The following ICE2 variants were observed in gnomAD, a reference collection of about 807,000 sequenced individuals.
ICE2 encodes the protein interactor of little elongation complex ELL subunit 2.
ICE2 carries 87 observed loss-of-function variants against 105.4 expected under a neutral mutation model. That is an observed-to-expected ratio of 0.83 (90% confidence interval 0.69 to 0.99). The LOEUF (loss-of-function observed/expected upper bound fraction) is 0.99, where lower values mean the gene tolerates loss of function less well. Among genes scored for constraint, ICE2 ranks in the 50% least tolerant of loss-of-function variants. The pLI, the probability that ICE2 is intolerant of heterozygous loss-of-function variation, is 0.00. For missense variants in ICE2, 1,323 were observed against 1,146.7 expected, an observed-to-expected ratio of 1.15 and a Z score of -2.22; for synonymous variants, 399 against 392.0, an observed-to-expected ratio of 1.02 and a Z score of -0.21.
intron 5 of ICE2, among the ~76,000 whole-genome samples, chr15:60,465,999 A>C (rs2064416256): frequency 6.6e-6 from 1 of 151,808 alleles, no homozygotes; most frequent in African/African-American, 2.4e-5. Flanking sequence ...TGATCCACCC[A>C]CCTCGGACTC....
At chr15:60,469,745 C>T (rs1049862370) in intron 3 of ICE2, among the ~76,000 whole-genome samples, 4 of 152,198 alleles carry the variant, frequency 2.6e-5, no homozygotes, top group Non-Finnish European at 4.4e-5. Context: ...CATTGCAATG[C>T]TTTACTCCCA....
intron 9 of ICE2, chr15:60,452,626 C>T (rs967935578): frequency 1.3e-5 from 2 of 156,798 alleles, no homozygotes; most frequent in Non-Finnish European, 2.8e-5. Flanking sequence ...GAATCAAGTT[C>T]TCTATAAACA....
chr15:60,459,768 C>T (rs984092529), intron 5 of ICE2, among the ~76,000 whole-genome samples: 2 of 151,838 alleles, frequency 1.3e-5, no homozygotes, highest in South Asian at 2.1e-4. Flanking sequence ...TATTGAATAA[C>T]GGAAGTATTG....
intron 9 of ICE2, chr15:60,451,679 A>G (rs2063969491): frequency 2.3e-6 from 2 of 884,924 alleles, no homozygotes; most frequent in Non-Finnish European, 2.7e-6. Flanking sequence ...TCAGGCTGTC[A>G]TTTCAGAGAA....
intron 4 of ICE2, among the ~76,000 whole-genome samples, chr15:60,467,603 A>G (rs2064466678): frequency 6.6e-6 from 1 of 152,248 alleles, no homozygotes; most frequent in Non-Finnish European, 1.5e-5. Flanking sequence ...AACTTTTTGC[A>G]GAACAATTTA....
chr15:60,476,531 T>C (rs1441925397), intron 2 of ICE2, among the ~76,000 whole-genome samples: 1 of 152,230 alleles, frequency 6.6e-6, no homozygotes, highest in Non-Finnish European at 1.5e-5. Context: ...GACATAACAT[T>C]AAGATACTTG....
At chr15:60,455,492 T>C in intron 6 of ICE2, 50 bp from the exon 7 acceptor site, 4 of 1,227,536 alleles carry the variant, frequency 3.3e-6, no homozygotes, top group Non-Finnish European at 4.8e-6. Flanking sequence ...AATGTATTTT[T>C]TCTAAGAAAA....
At chr15:60,452,900 C>CA in intron 9 of ICE2, 1 of 985,394 alleles carries the variant, frequency 1.0e-6, no homozygotes, top group Non-Finnish European at 1.2e-6. Flanking sequence ...CTGTAACAAT[C>CA]AAATTAAGCT....
At chr15:60,461,002 T>C (rs1260380282) in intron 5 of ICE2, among the ~76,000 whole-genome samples, 3 of 151,834 alleles carry the variant, frequency 2.0e-5, no homozygotes, top group Non-Finnish European at 4.4e-5. Context: ...ATGCATTTAG[T>C]ATGTTTAGCA....
chr15:60,454,292 A>G (rs2064041615), intron 8 of ICE2, among the ~76,000 whole-genome samples: 1 of 152,244 alleles, frequency 6.6e-6, no homozygotes, highest in Non-Finnish European at 1.5e-5. Context: ...TGTCAAAAGA[A>G]AGACTACCCT....
chr15:60,453,527 A>T, intron 9 of ICE2, 76 bp downstream of exon 9: 1 of 1,563,622 alleles, frequency 6.4e-7, no homozygotes, highest in Non-Finnish European at 8.6e-7. Context: ...AGGTTTAGGG[A>T]TTTGCAATAA....
At chr15:60,463,960 A>G (rs1271356580) in intron 5 of ICE2, among the ~76,000 whole-genome samples, 2 of 152,204 alleles carry the variant, frequency 1.3e-5, no homozygotes. Flanking sequence ...TACTGGCATT[A>G]TTTTATTTCT....
intron 15 of ICE2, among the ~76,000 whole-genome samples, chr15:60,425,284 G>A (rs1039868475): frequency 2.0e-5 from 3 of 152,130 alleles, no homozygotes; most frequent in African/African-American, 7.2e-5. Flanking sequence ...GAAAAGTGCT[G>A]CGACTTTTGG....
chr15:60,448,924 C>T lies in ICE2; in HGVS notation c.2043G>A (p.Glu681=), dbSNP rs146182405. 5.0e-5 allele frequency: 81 copies of T among 1,613,704 alleles called. No homozygotes were observed. Among genetic ancestry groups the T allele is most frequent in the Non-Finnish European group, 6.4e-5 (76 of 1,179,862 alleles). ...LENSKQPSVS[E]QLSGPSDSSS... is the part of the protein sequence containing the mutation. ...AGGAGTCTGAAGGACCAGACAATTG[C>T]TCAGAAACAGAAGGCTGTTTAGAAT... Residue 681 remains glutamate (E), a synonymous_variant, in exon 10 of 16, where the codon GAG becomes GAA. Transcript: ENST00000261520.
At position 60,448,889 on chromosome 15, in the gene ICE2, G is replaced by A. The variant is rs1234240943; in HGVS notation, c.2078C>T (p.Pro693Leu). The change falls in exon 10 of 16, where the codon CCG becomes CTG. Residue 693 changes from proline to leucine, a missense_variant. Transcript: ENST00000261520. Reference sequence around the variant, plus strand: ...AAATGCAGAAGGCCATCCAGATTTCGGCCAACTAGAGGAGTCTGAAGGACC... The same window carrying A: ...AAATGCAGAAGGCCATCCAGATTTCAGCCAACTAGAGGAGTCTGAAGGACC... Reference protein sequence around the residue: ...LSGPSDSSSWPKSGWPSAFQK... With the variant: ...LSGPSDSSSWLKSGWPSAFQK... 6.3e-6 allele frequency: 10 copies of A among 1,599,210 alleles called. No individual in the cohort carries two copies. The highest frequency in any genetic ancestry group is 1.8e-5 in the Admixed American group (1 of 55,972).
At chr15:60,466,835 G>A in intron 4 of ICE2, 122 bp from the exon 5 acceptor site, 2 of 794,656 alleles carry the variant, frequency 2.5e-6, no homozygotes, top group Non-Finnish European at 3.9e-6. Flanking sequence ...ATCCAAAGCA[G>A]AAATCAAAGA....
At chr15:60,426,515 T>C (rs1383815430) in intron 15 of ICE2, among the ~76,000 whole-genome samples, 1 of 152,208 alleles carries the variant, frequency 6.6e-6, no homozygotes, top group Non-Finnish European at 1.5e-5. Flanking sequence ...TCCCTGTCGT[T>C]AAGTGATACA....
rs572334455 is a variant in ICE2, at chr15:60,477,413, T to C, written c.41+524A>G. Among the ~76,000 whole-genome samples the C allele has an allele frequency of 9.8e-5, 15 of 152,360 alleles. No homozygotes were observed. The South Asian group carries it at 3.1e-3, about 32-fold the overall frequency. On this transcript the variant is annotated intron_variant, in intron 2 of 15. Coordinates refer to ENST00000261520, the MANE Select transcript of ICE2 (RefSeq NM_024611.6). ...ATTTGATCCTCCTTGGCTGGCTTAG[T>C]AAATGTGTGTTAAAATGAACTAAAG...
At chr15:60,449,908 C>CCT in intron 9 of ICE2, 67 bp from the exon 10 acceptor site, 1 of 1,116,622 alleles carries the variant, frequency 9.0e-7, no homozygotes, top group South Asian at 1.5e-5. Flanking sequence ...TCTTAATGTC[C>CCT]CTATCCCTGT....
Sources: gnomAD v4.1 joint callset for allele counts (sites outside exome capture counted in the v4.1 genomes callset) on GRCh38, gnomAD v4.1.1 for gene constraint, MANE v1.5 for transcripts, NCBI Gene and HGNC (gene_info 2026-07-23, HGNC 2026-07-21) for gene names.